Variants in FARS2 observed in about 807,000 individuals in gnomAD.
The protein encoded by FARS2 is phenylalanyl-tRNA synthetase 2, mitochondrial.
In FARS2, 40 loss-of-function variants were observed where a neutral mutation model predicts 46.4. That is an observed-to-expected ratio of 0.86 (90% CI 0.67 to 1.12). The LOEUF is 1.12. Ranked by LOEUF, FARS2 falls within the 50% of genes most tolerant of loss-of-function variation. FARS2 has a pLI of 0.00. For synonymous variants in FARS2, 234 were observed against 214.9 expected, an observed-to-expected ratio of 1.09 and a Z score of -0.78; for missense variants, 513 against 567.9, an observed-to-expected ratio of 0.90 and a Z score of 0.98.
chr6:5,646,813 C>T (rs1226111599), intron 6 of FARS2, among the ~76,000 whole-genome samples: 1 of 152,194 alleles, frequency 6.6e-6, no homozygotes, highest in East Asian at 1.9e-4. Flanking sequence ...AAAGTCTGTA[C>T]ATGTTTAGTA....
chr6:5,755,875 C>T (rs539390153), intron 6 of FARS2, among the ~76,000 whole-genome samples: 15 of 152,318 alleles, frequency 9.8e-5, no homozygotes, highest in African/African-American at 3.4e-4. Flanking sequence ...GTACTGTACA[C>T]TTTGAACTCT....
chr6:5,290,547 A>G (rs185681724), intron 1 of FARS2, among the ~76,000 whole-genome samples: 1 of 152,352 alleles, frequency 6.6e-6, no homozygotes, highest in African/African-American at 2.4e-5. Flanking sequence ...AGAATGTGCT[A>G]AATGTAGAAA....
chr6:5,373,433 G>A (rs1759180771), intron 2 of FARS2, among the ~76,000 whole-genome samples: 1 of 152,104 alleles, frequency 6.6e-6, no homozygotes, highest in African/African-American at 2.4e-5. Flanking sequence ...ACTTGAGTCT[G>A]ATTAATTCTC....
At chr6:5,345,201 A>T (rs1225433291) in intron 1 of FARS2, among the ~76,000 whole-genome samples, 3 of 81,438 alleles carry the variant, frequency 3.7e-5, no homozygotes, top group Admixed American at 1.4e-4. Context: ...ATAGTATAAT[A>T]AAAAAAAAAC....
the FARS2 span, among the ~76,000 whole-genome samples, chr6:5,251,125 A>G: frequency 6.6e-6 from 1 of 152,216 alleles, no homozygotes; most frequent in African/African-American, 2.4e-5. Context: ...CAGCAGGGCC[A>G]TCTTGTGTTT....
At chr6:5,642,363 C>T (rs1776863210) in intron 6 of FARS2, among the ~76,000 whole-genome samples, 1 of 152,108 alleles carries the variant, frequency 6.6e-6, no homozygotes, top group South Asian at 2.1e-4. Flanking sequence ...CTGTAAATCC[C>T]CAATAGGACT....
chr6:5,314,351 G>C (rs904268472), intron 1 of FARS2, among the ~76,000 whole-genome samples: 8 of 152,088 alleles, frequency 5.3e-5, no homozygotes, highest in African/African-American at 1.7e-4. Flanking sequence ...GGTGTGTGGG[G>C]GTGGAGGAGA....
At chr6:5,413,533 A>G (rs1035575312) in intron 3 of FARS2, among the ~76,000 whole-genome samples, 26 of 152,320 alleles carry the variant, frequency 1.7e-4, no homozygotes, top group African/African-American at 5.8e-4. Flanking sequence ...AGGTTCATAG[A>G]AAGCTCAATT....
intron 4 of FARS2, among the ~76,000 whole-genome samples, chr6:5,484,348 A>G (rs764588156): frequency 2.0e-5 from 3 of 152,200 alleles, no homozygotes; most frequent in Non-Finnish European, 2.9e-5. Flanking sequence ...ATTTGCGTCT[A>G]ATCAGAATCG....
intron 6 of FARS2, among the ~76,000 whole-genome samples, chr6:5,696,664 G>A (rs1309108996): frequency 1.3e-5 from 2 of 152,134 alleles, no homozygotes; most frequent in East Asian, 3.8e-4. Flanking sequence ...TATCTATAAA[G>A]ATAGAAAGGA....
intron 6 of FARS2, among the ~76,000 whole-genome samples, chr6:5,650,073 T>G (rs1777274001): frequency 6.6e-6 from 1 of 152,102 alleles, no homozygotes; most frequent in Admixed American, 6.5e-5. Flanking sequence ...TTAGGAAACC[T>G]TTCTAACTAA....
intron 4 of FARS2, among the ~76,000 whole-genome samples, chr6:5,527,361 C>A (rs950836966): frequency 6.6e-6 from 1 of 152,262 alleles, no homozygotes; most frequent in Non-Finnish European, 1.5e-5. Context: ...CCTTTCCCTT[C>A]TGCTCTATTC....
intron 5 of FARS2, among the ~76,000 whole-genome samples, chr6:5,593,638 G>A (rs1289387453): frequency 6.6e-6 from 1 of 152,220 alleles, no homozygotes; most frequent in African/African-American, 2.4e-5. Flanking sequence ...TACCTGTCAA[G>A]TAAGGACAAT....
intron 6 of FARS2, chr6:5,695,341 C>G (rs1758034506): frequency 6.6e-6 from 1 of 152,274 alleles, no homozygotes; most frequent in African/African-American, 2.4e-5. Context: ...GGGACTGGCC[C>G]ACGGGCGGTA....
At chr6:5,287,307 C>T (rs1767189972) in intron 1 of FARS2, among the ~76,000 whole-genome samples, 1 of 152,246 alleles carries the variant, frequency 6.6e-6, no homozygotes, top group Non-Finnish European at 1.5e-5. Flanking sequence ...GGCAGTGGTG[C>T]TAGTGGGGAA....
At chr6:5,658,271 A>G (rs972133312) in intron 6 of FARS2, among the ~76,000 whole-genome samples, 18 of 151,250 alleles carry the variant, frequency 1.2e-4, no homozygotes, top group East Asian at 3.8e-4. Flanking sequence ...AAAAAAAAAA[A>G]AGAGAACTTA....
Position 5,618,202 on chromosome 6 carries a change from A to G in FARS2, c.1217+4882A>G, listed in dbSNP as rs1297744828. 6.6e-5 allele frequency among the ~76,000 whole-genome samples: 10 copies of G among 152,176 alleles called. No homozygotes were observed. The East Asian group carries it at 1.9e-3, about 29-fold the overall frequency. On this transcript the variant is annotated intron_variant, in intron 6 of 6. Coordinates refer to ENST00000274680, the MANE Select transcript of FARS2 (RefSeq NM_006567.5). ...CCCTTGATTTGGGGGAGGGGGATAC[A>G]TGAAGTTTTTTTTGAAGACTCTGAC...
At chr6:5,569,202 T>C (rs918911741) in intron 5 of FARS2, among the ~76,000 whole-genome samples, 5 of 151,026 alleles carry the variant, frequency 3.3e-5, no homozygotes, top group Non-Finnish European at 7.4e-5. Context: ...AAGAAGATGA[T>C]GAGTTCAATT....
chr6:5,487,783 C>T (rs1766866575), intron 4 of FARS2, among the ~76,000 whole-genome samples: 1 of 152,176 alleles, frequency 6.6e-6, no homozygotes, highest in Non-Finnish European at 1.5e-5. Flanking sequence ...GACCTTTGGT[C>T]ATTGACATAC....
Sources: gnomAD v4.1 joint callset for allele counts (sites outside exome capture counted in the v4.1 genomes callset) on GRCh38, gnomAD v4.1.1 for gene constraint, MANE v1.5 for transcripts, NCBI Gene and HGNC (gene_info 2026-07-23, HGNC 2026-07-21) for gene names.